Variants in DAB2IP observed in about 807,000 individuals in gnomAD.
DAB2IP encodes the protein DAB2 interacting protein.
DAB2IP carries 28 observed loss-of-function variants against 107.2 expected under a neutral mutation model. That is an observed-to-expected ratio of 0.26 (90% CI 0.19 to 0.36). DAB2IP has a LOEUF of 0.36. Ranked by LOEUF, DAB2IP falls within the 10% of genes least tolerant of loss-of-function variation. The probability of loss-of-function intolerance (pLI) is 1.00; values close to 1 mark genes in which losing one functional copy is unlikely to be tolerated. For synonymous variants in DAB2IP, 755 were observed against 706.4 expected, an observed-to-expected ratio of 1.07 and a Z score of -1.09; for missense variants, 1,400 against 1,644.7, an observed-to-expected ratio of 0.85 and a Z score of 2.57.
At position 121,760,003 on chromosome 9, in the gene DAB2IP, C is replaced by A; in HGVS notation, c.734C>A (p.Thr245Asn). 6.2e-7 allele frequency: 1 copy of A among 1,614,210 alleles called. No homozygotes were observed. The highest frequency in any genetic ancestry group is 8.5e-7 in the Non-Finnish European group (1 of 1,180,044). The change falls in exon 6 of 16, where the codon ACC becomes AAC. Residue 245 changes from threonine to asparagine, a missense_variant. Physicochemically the swap from Thr to Asn is moderately conservative, Grantham distance 65 (BLOSUM62 0). This residue lies in a region of DAB2IP where 517 missense variants were observed against 748.6 expected (regional missense o/e 0.69). Coordinates refer to ENST00000408936, the Ensembl canonical transcript of DAB2IP. This position sits in a 1 kb window ranked among gnomAD's most constrained non-coding sequence, Gnocchi z 5.9. ...CTGGACGATGTGCTCTATGCCCGCA[C>A]CACGGGCAAGCTCAAGACGGACAAT...
Position 121,594,117 on chromosome 9 carries a change from T to C in DAB2IP, c.40+26889T>C, listed in dbSNP as rs546023240. ...TCTCATTGAATCTTTATAATAACCC[T>C]TGTGATAATCTCTAGTCAATGTTGG... On this transcript the variant is annotated intron_variant, in intron 1 of 16. Transcript: ENST00000259371. Among the ~76,000 whole-genome samples the C allele has an allele frequency of 2.5e-4, 38 of 152,268 alleles. 1 individual carries two copies. Among genetic ancestry groups the C allele is most frequent in the South Asian group, 1.9e-3 (9 of 4,822 alleles).
intron 3 of DAB2IP, among the ~76,000 whole-genome samples, chr9:121,712,572 C>T (rs58279880): frequency 0.067 from 10,190 of 152,138 alleles, 751 homozygotes; most frequent in East Asian, 0.2. Flanking sequence ...GTTTCATTGA[C>T]GTGAATTTTC....
At chr9:121,605,652 C>A (rs904036929) in intron 1 of DAB2IP, among the ~76,000 whole-genome samples, 2 of 152,138 alleles carry the variant, frequency 1.3e-5, no homozygotes, top group Non-Finnish European at 2.9e-5. Flanking sequence ...AGGCGCTTGC[C>A]GTCATGCCTG....
In DAB2IP at chr9:121,782,433, C is replaced by T. The variant is rs746181899; in HGVS notation, c.3505C>T (p.Pro1169Ser). The change falls in exon 16 of 16, where the codon CCC becomes TCC. Residue 1169 changes from proline (P) to serine (S), a missense_variant. By Grantham distance (74) the Pro-to-Ser change is moderately conservative. This residue lies in a region of DAB2IP where 600 missense variants were observed against 659.1 expected (regional missense o/e 0.91). Coordinates refer to ENST00000408936, the Ensembl canonical transcript of DAB2IP. This position sits in a 1 kb window ranked among gnomAD's most constrained non-coding sequence, Gnocchi z 6.1. The stretch of plus-strand genomic sequence containing the variant: ...CATGCAAGCCCGTAACGGCATCTCC[C>T]CCACCAACCCCACCAAATTGCAGAT... The T allele has an allele frequency of 1.2e-6, 2 of 1,614,110 alleles. No individual in the cohort carries two copies. Among genetic ancestry groups the T allele is most frequent in the East Asian group, 2.2e-5 (1 of 44,878 alleles).
At chr9:121,661,679 C>A (rs181974815) in intron 1 of DAB2IP, among the ~76,000 whole-genome samples, 59 of 152,222 alleles carry the variant, frequency 3.9e-4, no homozygotes, top group African/African-American at 1.4e-3. Flanking sequence ...GAAACAACAA[C>A]AACAACAATA....
chr9:121,694,741 TAGGA>T (rs1308108172), intron 2 of DAB2IP, among the ~76,000 whole-genome samples: 1 of 151,934 alleles, frequency 6.6e-6, no homozygotes, highest in African/African-American at 2.4e-5. Flanking sequence ...TCAGCTGGCA[TAGGA>T]AGGGTGTCCA....
upstream of DAB2IP, among the ~76,000 whole-genome samples, chr9:121,649,486 A>AT (rs2119054836): frequency 6.6e-6 from 1 of 151,536 alleles, no homozygotes; most frequent in Non-Finnish European, 1.5e-5. Flanking sequence ...GTTGATTGTG[A>AT]GCCTCCCGTC....
rs1829754613 is a variant in DAB2IP, at chr9:121,701,074, CG to C, written c.362+1621del. Among the ~76,000 whole-genome samples the C allele has an allele frequency of 6.6e-6, 1 of 152,254 alleles. No individual in the cohort carries two copies. Among genetic ancestry groups the C allele is most frequent in the African/African-American group, 2.4e-5 (1 of 41,480 alleles). On this transcript the variant is annotated intron_variant, in intron 3 of 15. Coordinates refer to ENST00000408936, the Ensembl canonical transcript of DAB2IP. The surrounding 1 kb of genome is among the most constrained non-coding windows in gnomAD (Gnocchi z 4.7). ...ATGCCCTTCTCCGCGCTTTCCTTGGCGGGGGTCAGGACCCTCTGCACCCGCA... is the reference window on the plus strand; with the variant it reads ...ATGCCCTTCTCCGCGCTTTCCTTGGCGGGGTCAGGACCCTCTGCACCCGCA...
chr9:121,753,173 C>G (rs781447500), intron 3 of DAB2IP: 4 of 152,272 alleles, frequency 2.6e-5, no homozygotes, highest in Non-Finnish European at 5.9e-5. Flanking sequence ...GGTTTGAGAC[C>G]TGCTTCTGTA....
chr9:121,781,685 G>T, intron 15 of DAB2IP, 134 bp downstream of exon 15: 1 of 882,718 alleles, frequency 1.1e-6, no homozygotes, highest in Non-Finnish European at 1.8e-6. Context: ...TCTGCCCTGA[G>T]AAGTCAGACC....
intron 1 of DAB2IP, among the ~76,000 whole-genome samples, chr9:121,607,619 C>T (rs1390418707): frequency 6.6e-6 from 1 of 152,162 alleles, no homozygotes; most frequent in African/African-American, 2.4e-5. Context: ...CCCATCGTTC[C>T]TTTGTTGCTT....
chr9:121,588,341 C>G (rs1299715171), intron 1 of DAB2IP, among the ~76,000 whole-genome samples: 1 of 151,956 alleles, frequency 6.6e-6, no homozygotes, highest in Non-Finnish European at 1.5e-5. Context: ...ATCAGTACAC[C>G]TCTCTCACTG....
rs1328793507 is a variant in DAB2IP at position 121,662,561 on chromosome 9, C to A, written c.124+10662C>A. 6.6e-6 allele frequency among the ~76,000 whole-genome samples: 1 copy of A among 152,170 alleles called. No individual in the cohort carries two copies. Among genetic ancestry groups the A allele is most frequent in the Non-Finnish European group, 1.5e-5 (1 of 68,018 alleles). On this transcript the variant is annotated intron_variant, in intron 1 of 15. Transcript: ENST00000408936. The surrounding 1 kb of genome is among the most constrained non-coding windows in gnomAD (Gnocchi z 4.6). ...CAATGGCAGAGTTGAATAGCTGAGACAGAGACCATATGGACTTGTAAGCCT... is the reference window on the plus strand; with the variant it reads ...CAATGGCAGAGTTGAATAGCTGAGAAAGAGACCATATGGACTTGTAAGCCT...
At chr9:121,770,161 G>A (rs1834602812) in intron 10 of DAB2IP, among the ~76,000 whole-genome samples, 1 of 152,198 alleles carries the variant, frequency 6.6e-6, no homozygotes, top group South Asian at 2.1e-4. Flanking sequence ...CCATCCCGTG[G>A]AGTAAGTGAT....
At chr9:121,618,303 G>A (rs1831348834) in intron 1 of DAB2IP, among the ~76,000 whole-genome samples, 1 of 152,142 alleles carries the variant, frequency 6.6e-6, no homozygotes, top group Admixed American at 6.5e-5. Flanking sequence ...GCAGACACAG[G>A]CAAAAACAAC....
chr9:121,669,201 G>A (rs1477630659), intron 1 of DAB2IP, among the ~76,000 whole-genome samples: 1 of 152,036 alleles, frequency 6.6e-6, no homozygotes, highest in African/African-American at 2.4e-5. Flanking sequence ...CAAAGTGCTG[G>A]GATTACAGGC....
intron 1 of DAB2IP, among the ~76,000 whole-genome samples, chr9:121,590,130 C>T (rs937054777): frequency 6.6e-6 from 1 of 151,856 alleles, no homozygotes; most frequent in Non-Finnish European, 1.5e-5. Context: ...TTCCTCCATG[C>T]ATAGTGTCTG....
intron 3 of DAB2IP, among the ~76,000 whole-genome samples, chr9:121,717,459 C>A (rs539748154): frequency 6.6e-6 from 1 of 152,374 alleles, no homozygotes; most frequent in Admixed American, 6.5e-5. Flanking sequence ...TGTAGCTACC[C>A]CTGGCATGTG....
At chr9:121,685,855 C>G (rs561667343) in intron 2 of DAB2IP, among the ~76,000 whole-genome samples, 1 of 152,290 alleles carries the variant, frequency 6.6e-6, no homozygotes, top group South Asian at 2.1e-4. Flanking sequence ...ACATGGGAAA[C>G]AGCATGAGCA....
Sources: gnomAD v4.1 joint callset for allele counts (sites outside exome capture counted in the v4.1 genomes callset) on GRCh38, gnomAD v4.1.1 for gene constraint, gnomAD v4.1.1 regional missense constraint, Gnocchi (gnomAD v3.1) non-coding constraint, MANE v1.5 for transcripts, NCBI Gene and HGNC (gene_info 2026-07-23, HGNC 2026-07-21) for gene names.